The following IL1RAP variants were observed in gnomAD, a reference collection of about 807,000 sequenced individuals.
IL1RAP encodes the protein interleukin 1 receptor accessory protein.
In IL1RAP, 35 loss-of-function variants were observed where a neutral mutation model predicts 60.7. The observed-to-expected ratio is 0.58, with a 90% CI of 0.44 to 0.76. The LOEUF (loss-of-function observed/expected upper bound fraction) is 0.76. Ranked by LOEUF, IL1RAP falls within the 30% of genes least tolerant of loss-of-function variation. The probability of loss-of-function intolerance (pLI) is 0.00; values close to 1 mark genes in which losing one functional copy is unlikely to be tolerated. For synonymous variants in IL1RAP, 268 were observed against 250.9 expected, an observed-to-expected ratio of 1.07 and a Z score of -0.64; for missense variants, 572 against 693.9, an observed-to-expected ratio of 0.82 and a Z score of 1.97.
In IL1RAP at chr3:190,645,854, A is replaced by G. The variant is rs374847918; in HGVS notation, c.1345+12A>G. On this transcript the variant is annotated intron_variant, in intron 11 of 11. Coordinates refer to ENST00000447382, the MANE Select transcript of IL1RAP (RefSeq NM_002182.4). ...TCTGCCTGGGGGAAGTAGGTATTTC[A>G]GAGGAGTACAAATGATGCTACCTTG... The G allele has an allele frequency of 3.7e-5, 59 of 1,608,936 alleles. No homozygotes were observed. The African/African-American group carries it at 6.8e-4, about 19-fold the overall frequency.
intron 4 of IL1RAP, 69 bp downstream of exon 4, chr3:190,604,482 T>C (rs6444440): frequency 0.74 from 1,107,698 of 1,495,412 alleles, 414,211 homozygotes; most frequent in East Asian, 0.96. Context: ...GGATGATCCG[T>C]GTGCTAGGAA....
chr3:190,602,900 G>A (rs1183900379), intron 3 of IL1RAP, among the ~76,000 whole-genome samples: 1 of 152,148 alleles, frequency 6.6e-6, no homozygotes, highest in Non-Finnish European at 1.5e-5. Context: ...GTGGTCCGCA[G>A]GACTCCATCA....
intron 3 of IL1RAP, among the ~76,000 whole-genome samples, chr3:190,580,833 T>C (rs1439299793): frequency 6.6e-6 from 1 of 152,162 alleles, no homozygotes; most frequent in African/African-American, 2.4e-5. Flanking sequence ...CATAAATGAA[T>C]ACATAAATAG....
chr3:190,634,531 G>C (rs539527372), intron 9 of IL1RAP, among the ~76,000 whole-genome samples: 1 of 151,990 alleles, frequency 6.6e-6, no homozygotes, highest in Non-Finnish European at 1.5e-5. Context: ...ATATTGGTTT[G>C]TTTGGTTTGT....
intron 1 of IL1RAP, among the ~76,000 whole-genome samples, chr3:190,534,927 A>G (rs75706274): frequency 9.9e-5 from 15 of 151,204 alleles, no homozygotes; most frequent in Middle Eastern, 3.4e-3. Flanking sequence ...AAAAAAAAAA[A>G]AAAAAAAGAA....
At chr3:190,654,190 TCACACACACACACACA>T (rs57074064), downstream of IL1RAP, among the ~76,000 whole-genome samples, 15 of 140,414 alleles carry the variant, frequency 1.1e-4, no homozygotes, top group African/African-American at 4.0e-4. Flanking sequence ...AAACATCATA[TCACACACACACACACA>T]CACACACACA....
intron 1 of IL1RAP, among the ~76,000 whole-genome samples, chr3:190,527,864 C>G (rs942479114): frequency 4.8e-4 from 72 of 149,612 alleles, no homozygotes; most frequent in African/African-American, 1.8e-3. Context: ...CACACACACA[C>G]ACACACGAGA....
chr3:190,606,231 A>G (rs934096419), intron 4 of IL1RAP, among the ~76,000 whole-genome samples: 7 of 152,188 alleles, frequency 4.6e-5, no homozygotes, highest in African/African-American at 1.7e-4. Flanking sequence ...ATGTTCTAAT[A>G]CAACTTGGTA....
intron 1 of IL1RAP, chr3:190,520,661 A>G (rs1721940335): frequency 1.3e-5 from 2 of 152,202 alleles, no homozygotes; most frequent in African/African-American, 4.8e-5. Flanking sequence ...AAAAGCATTG[A>G]AGAATTTACA....
chr3:190,577,345 A>G (rs1347757227), intron 3 of IL1RAP, among the ~76,000 whole-genome samples: 2 of 152,092 alleles, frequency 1.3e-5, no homozygotes, highest in Admixed American at 1.3e-4. Context: ...TGTAAGAACC[A>G]ACTATTCAAT....
At chr3:190,589,356 C>G (rs1728745374) in intron 3 of IL1RAP, among the ~76,000 whole-genome samples, 1 of 152,156 alleles carries the variant, frequency 6.6e-6, no homozygotes, top group South Asian at 2.1e-4. Context: ...TTCTCATGCT[C>G]TCAGCTTTTG....
At chr3:190,533,399 G>A (rs145349581) in intron 1 of IL1RAP, among the ~76,000 whole-genome samples, 36 of 152,342 alleles carry the variant, frequency 2.4e-4, no homozygotes, top group African/African-American at 8.7e-4. Flanking sequence ...TTCCGGCCTT[G>A]AGATTCTGTC....
chr3:190,554,661 A>G (rs978732726), intron 1 of IL1RAP: 28 of 152,276 alleles, frequency 1.8e-4, no homozygotes, highest in Non-Finnish European at 3.1e-4. Flanking sequence ...AGCACAGGAC[A>G]TGATAATTTT....
At chr3:190,644,589 A>C (rs1733880934) in intron 10 of IL1RAP, among the ~76,000 whole-genome samples, 192 bp downstream of exon 10, 1 of 152,212 alleles carries the variant, frequency 6.6e-6, no homozygotes, top group South Asian at 2.1e-4. Context: ...TTCTTGGATT[A>C]ATTAGTGAGT....
chr3:190,614,423 C>G (rs1369462020), intron 5 of IL1RAP, among the ~76,000 whole-genome samples: 1 of 152,016 alleles, frequency 6.6e-6, no homozygotes, highest in Non-Finnish European at 1.5e-5. Context: ...AACACCAGCT[C>G]TGCAAGGGAG....
chr3:190,575,729 T>C (rs10440060), intron 3 of IL1RAP, among the ~76,000 whole-genome samples: 4,391 of 152,314 alleles, frequency 0.029, 233 homozygotes, highest in African/African-American at 0.1. Context: ...TGGGCAGGAC[T>C]GTTACATTAT....
intron 3 of IL1RAP, among the ~76,000 whole-genome samples, chr3:190,585,340 C>T (rs141018485): frequency 2.8e-4 from 42 of 152,252 alleles, no homozygotes; most frequent in African/African-American, 9.9e-4. Flanking sequence ...CATCTCCCCA[C>T]CCCCTCAGCC....
intron 5 of IL1RAP, among the ~76,000 whole-genome samples, chr3:190,614,037 C>G (rs2108776728): frequency 6.6e-6 from 1 of 151,910 alleles, no homozygotes; most frequent in African/African-American, 2.4e-5. Context: ...GCTAACTTTG[C>G]CTTCTATTTT....
At chr3:190,586,998 G>A (rs1307670284) in intron 3 of IL1RAP, among the ~76,000 whole-genome samples, 2 of 152,128 alleles carry the variant, frequency 1.3e-5, no homozygotes, top group Non-Finnish European at 2.9e-5. Flanking sequence ...ATTAATGAGT[G>A]CCCACCCACT....
Sources: gnomAD v4.1 joint callset for allele counts (sites outside exome capture counted in the v4.1 genomes callset) on GRCh38, gnomAD v4.1.1 for gene constraint, MANE v1.5 for transcripts, NCBI Gene and HGNC (gene_info 2026-07-23, HGNC 2026-07-21) for gene names.